Variants in OXR1 observed in about 807,000 individuals in gnomAD.
The protein encoded by OXR1 is oxidation resistance protein 1.
Under a neutral mutation model 104.6 loss-of-function variants are expected in OXR1, and 41 were observed. The ratio of observed to expected loss-of-function variants is 0.39; its 90% CI spans 0.31 to 0.51. The LOEUF is 0.51. OXR1 is among the 20% of genes least tolerant of loss of function. The pLI, the probability that OXR1 is intolerant of heterozygous loss-of-function variation, is 0.77. For missense variants in OXR1, 955 were observed against 1,031.9 expected, an observed-to-expected ratio of 0.93 and a Z score of 1.02; for synonymous variants, 348 against 348.4, an observed-to-expected ratio of 1.00 and a Z score of 0.01.
rs1427158435 is a variant in OXR1 at position 106,338,314 on chromosome 8, A to G, written c.-138-21162A>G. Among the ~76,000 whole-genome samples the G allele has an allele frequency of 2.2e-4, 34 of 152,106 alleles. 1 individual carries two copies. Among genetic ancestry groups the G allele is most frequent in the African/African-American group, 7.0e-4 (29 of 41,480 alleles). On this transcript the variant is annotated intron_variant, in intron 1 of 16. Transcript: ENST00000517566. ...TCTAGGGCTGGGCGTGGTGGCTTATACCTGTAATCCCAGCACTTTGGGAGG... is the reference window on the plus strand; with the variant it reads ...TCTAGGGCTGGGCGTGGTGGCTTATGCCTGTAATCCCAGCACTTTGGGAGG...
chr8:106,563,279 A>T (rs1445753816), intron 3 of OXR1, among the ~76,000 whole-genome samples: 1 of 142,970 alleles, frequency 7.0e-6, no homozygotes, highest in Non-Finnish European at 1.5e-5. Flanking sequence ...AGGAAGATTT[A>T]CCAAGCAAAT....
chr8:106,385,263 A>T (rs1017637530), intron 2 of OXR1, among the ~76,000 whole-genome samples: 1 of 152,220 alleles, frequency 6.6e-6, no homozygotes. Flanking sequence ...GAGGCAAATG[A>T]ATGACAATTC....
chr8:106,350,175 A>G (rs996756734), intron 1 of OXR1, among the ~76,000 whole-genome samples: 1 of 152,202 alleles, frequency 6.6e-6, no homozygotes, highest in Non-Finnish European at 1.5e-5. Flanking sequence ...CAATCGCATT[A>G]AAGTTCAGGA....
intron 3 of OXR1, among the ~76,000 whole-genome samples, chr8:106,636,682 A>G (rs778786421): frequency 3.9e-5 from 6 of 152,178 alleles, no homozygotes; most frequent in Non-Finnish European, 5.9e-5. Flanking sequence ...TTTGGGCTTC[A>G]TGGGATAATA....
chr8:106,338,862 C>T (rs897669427), intron 1 of OXR1, among the ~76,000 whole-genome samples: 1 of 152,004 alleles, frequency 6.6e-6, no homozygotes, highest in Non-Finnish European at 1.5e-5. Context: ...CTCTGTAACT[C>T]TCTCACTCAC....
chr8:106,466,472 T>G (rs1330162416), intron 2 of OXR1, among the ~76,000 whole-genome samples: 1 of 151,898 alleles, frequency 6.6e-6, no homozygotes, highest in Non-Finnish European at 1.5e-5. Context: ...CTTCAGAAGT[T>G]AAACCTTTAA....
intron 3 of OXR1, among the ~76,000 whole-genome samples, chr8:106,627,249 T>G (rs1008745672): frequency 8.5e-5 from 13 of 152,148 alleles, no homozygotes; most frequent in African/African-American, 2.7e-4. Flanking sequence ...TTATTTAGTT[T>G]CTGGTGTTTT....
At chr8:106,685,165 C>T (rs964504133) in intron 6 of OXR1, among the ~76,000 whole-genome samples, 2 of 152,058 alleles carry the variant, frequency 1.3e-5, no homozygotes, top group Admixed American at 1.3e-4. Flanking sequence ...TTGTTGTCAT[C>T]ATTGATAAGA....
At position 106,541,502 on chromosome 8, in the gene OXR1, A is replaced by T. The variant is rs200517367; in HGVS notation, c.220+22363A>T. Among the ~76,000 whole-genome samples the T allele has an allele frequency of 5.3e-5, 8 of 152,356 alleles. No individual in the cohort carries two copies. The East Asian group carries it at 1.5e-3, about 29-fold the overall frequency. ...ACAATGGTGAAGAAATGAAAGAACGATTCATTTAAAACATTGGTGCTAGCA... is the reference window on the plus strand; with the variant it reads ...ACAATGGTGAAGAAATGAAAGAACGTTTCATTTAAAACATTGGTGCTAGCA... On this transcript the variant is annotated intron_variant, in intron 3 of 16. Coordinates refer to ENST00000517566, the MANE Select transcript of OXR1 (RefSeq NM_001198533.2).
chr8:106,359,238 C>A (rs558297426), intron 1 of OXR1, among the ~76,000 whole-genome samples: 1 of 151,928 alleles, frequency 6.6e-6, no homozygotes, highest in Non-Finnish European at 1.5e-5. Context: ...TTCTCTACTC[C>A]GGGGATTTAA....
At chr8:106,462,487 A>G (rs1156490789) in intron 2 of OXR1, among the ~76,000 whole-genome samples, 1 of 152,164 alleles carries the variant, frequency 6.6e-6, no homozygotes, top group Non-Finnish European at 1.5e-5. Flanking sequence ...TGAATAGCAA[A>G]TGCAACACAA....
chr8:106,667,337 A>C (rs1826445178), intron 3 of OXR1, among the ~76,000 whole-genome samples: 1 of 152,212 alleles, frequency 6.6e-6, no homozygotes, highest in African/African-American at 2.4e-5. Context: ...TATTTCTCTC[A>C]ATCAAACTCT....
chr8:106,563,296 CAAAAAA>C (rs145929849), intron 3 of OXR1, among the ~76,000 whole-genome samples: 1 of 125,772 alleles, frequency 8.0e-6, no homozygotes, highest in Non-Finnish European at 1.7e-5. Context: ...AAATGGAAAG[CAAAAAA>C]AAAAAAAAAA....
At chr8:106,319,623 A>G (rs1814127631) in intron 1 of OXR1, among the ~76,000 whole-genome samples, 1 of 152,206 alleles carries the variant, frequency 6.6e-6, no homozygotes, top group East Asian at 1.9e-4. Context: ...CCTTTCAATG[A>G]GGAAACTTAT....
At chr8:106,523,777 A>ATTT (rs34364900) in intron 3 of OXR1, among the ~76,000 whole-genome samples, 6 of 145,588 alleles carry the variant, frequency 4.1e-5, no homozygotes, top group African/African-American at 1.5e-4. Context: ...TGGAGTGGAA[A>ATTT]TTTTTTTTTT....
chr8:106,587,506 T>C (rs920899051), intron 3 of OXR1, among the ~76,000 whole-genome samples: 3 of 152,226 alleles, frequency 2.0e-5, no homozygotes, highest in Non-Finnish European at 2.9e-5. Context: ...GACAGAGTTA[T>C]ATTTGAAAAT....
chr8:106,572,636 A>T (rs1207150396), intron 3 of OXR1, among the ~76,000 whole-genome samples: 1 of 152,148 alleles, frequency 6.6e-6, no homozygotes, highest in Admixed American at 6.5e-5. Flanking sequence ...CTAGAACAAA[A>T]TTCAGCCAAG....
intron 3 of OXR1, among the ~76,000 whole-genome samples, chr8:106,670,864 C>T (rs554982596): frequency 6.6e-6 from 1 of 151,664 alleles, no homozygotes; most frequent in Non-Finnish European, 1.5e-5. Context: ...GGCTGGCCAA[C>T]ATGGGGAAAC....
At chr8:106,737,037 CT>C (rs1264761998) in intron 11 of OXR1, among the ~76,000 whole-genome samples, 1 of 152,010 alleles carries the variant, frequency 6.6e-6, no homozygotes, top group Non-Finnish European at 1.5e-5. Flanking sequence ...TCTGTTGTTT[CT>C]GTTATAGATG....
Sources: gnomAD v4.1 joint callset for allele counts (sites outside exome capture counted in the v4.1 genomes callset) on GRCh38, gnomAD v4.1.1 for gene constraint, MANE v1.5 for transcripts, NCBI Gene and HGNC (gene_info 2026-07-23, HGNC 2026-07-21) for gene names.